The following SLCO4A1 variants were observed in gnomAD, a reference collection of about 807,000 sequenced individuals.
SLCO4A1 encodes the protein solute carrier organic anion transporter family member 4A1, also known as colon organic anion transporter.
In SLCO4A1, 51 loss-of-function variants were observed where a neutral mutation model predicts 64.6. The observed-to-expected ratio is 0.79, with a 90% CI of 0.63 to 1.00. SLCO4A1 has a LOEUF of 1.00. Ranked by LOEUF, SLCO4A1 falls within the 50% of genes least tolerant of loss-of-function variation. The pLI, the probability that SLCO4A1 is intolerant of heterozygous loss-of-function variation, is 0.00. For missense variants in SLCO4A1, 919 were observed against 980.5 expected, an observed-to-expected ratio of 0.94 and a Z score of 0.84; for synonymous variants, 471 against 444.9, an observed-to-expected ratio of 1.06 and a Z score of -0.74.
intron 2 of SLCO4A1, among the ~76,000 whole-genome samples, chr20:62,684,991 C>T (rs539401616): frequency 1.6e-3 from 239 of 152,282 alleles, no homozygotes; most frequent in African/African-American, 5.2e-3. Context: ...CAGGCAGCCA[C>T]GCCAGGGGCT....
At chr20:62,672,939 G>A (rs963079447), downstream of SLCO4A1, among the ~76,000 whole-genome samples, 1 of 145,604 alleles carries the variant, frequency 6.9e-6, no homozygotes, top group Non-Finnish European at 1.6e-5. Context: ...GAGGATGGAC[G>A]CCACCCTCGC....
chr20:62,655,511 A>G (rs934249432), intron 1 of SLCO4A1, among the ~76,000 whole-genome samples: 1 of 152,232 alleles, frequency 6.6e-6, no homozygotes, highest in Non-Finnish European at 1.5e-5. Flanking sequence ...CTGTTGCTCC[A>G]GGAATTGGTG....
rs1054141733 is a variant in SLCO4A1, at chr20:62,645,999, C to A, written c.-97+3446C>A. Among the ~76,000 whole-genome samples, 28 of 152,128 alleles carry A rather than the reference C, an allele frequency of 1.8e-4. No homozygotes were observed. The highest frequency in any genetic ancestry group is 6.5e-4 in the African/African-American group (27 of 41,430). On this transcript the variant is annotated intron_variant, in intron 1 of 11. Transcript: ENST00000217159. The surrounding 1 kb of genome is among the most constrained non-coding windows in gnomAD (Gnocchi z 4.2). ...CTGCCTTTCGGGAGGCGCTGTGGAC[C>A]TGAGATTTGGACCCATGGGCCTAGG...
Position 62,685,520 on chromosome 20 carries a change from A to C in SLCO4A1, n.291A>C. Reference sequence around the variant, plus strand: ...ATCTCCTTGAATTGGATTTTCACCAAGGCCGTGATGGATGTGGAGTCTCGG... The same window carrying C: ...ATCTCCTTGAATTGGATTTTCACCACGGCCGTGATGGATGTGGAGTCTCGG... On this transcript the variant is annotated non_coding_transcript_exon_variant, in exon 3 of 3. Transcript: ENST00000466818. This position sits in a 1 kb window ranked among gnomAD's most constrained non-coding sequence, Gnocchi z 4.6. 3 of 883,354 alleles carry C rather than the reference A, an allele frequency of 3.4e-6. No individual in the cohort carries two copies. Among genetic ancestry groups the C allele is most frequent in the Non-Finnish European group, 2.7e-6 (2 of 736,856 alleles). 54.7% of individuals were successfully genotyped at this position (883,354 alleles called of 1,614,324 possible).
chr20:62,661,030 G>GGCCCCCCCCCCCCCCC lies in SLCO4A1; in HGVS notation c.1010-34_1010-33insGCCCCCCCCCCCCCCC. 1 of 518,134 alleles carries GGCCCCCCCCCCCCCCC rather than the reference G, an allele frequency of 1.9e-6. No homozygotes were observed. 32.1% of individuals were successfully genotyped at this position (518,134 alleles called of 1,614,324 possible). A position where few individuals can be genotyped will look rare whatever the true frequency, so the allele number is the denominator to read the frequency against. On this transcript the variant is annotated intron_variant, in intron 4 of 11. Transcript: ENST00000217159. This position sits in a 1 kb window ranked among gnomAD's most constrained non-coding sequence, Gnocchi z 5.2. ...AGAAGTCCACCTCCGGGAGCCCCCAGCCCCCAGCCCCAGCTCACTCTGTGC... is the reference window on the plus strand; with the variant it reads ...AGAAGTCCACCTCCGGGAGCCCCCAGGCCCCCCCCCCCCCCCCCCCCAGCCCCAGCTCACTCTGTGC...
Position 62,668,173 on chromosome 20 carries a change from G to A in SLCO4A1, c.1800G>A (p.Thr600=), listed in dbSNP as rs34985812. 0.043 allele frequency: 68,957 copies of A among 1,613,672 alleles called. 1,782 individuals carry two copies. The highest frequency in any genetic ancestry group is 0.084 in the Middle Eastern group (510 of 6,062). The change falls in exon 9 of 12, where the codon ACG becomes ACA. Residue 600 remains threonine, a synonymous_variant. Coordinates refer to ENST00000217159, the MANE Select transcript of SLCO4A1 (RefSeq NM_016354.4). ...TCCTCAGCAGCATTCCTGCACTAAC[G>A]GCAACTCTACGGTAAGCTGGGGTCG... ...FTFLSSIPAL[T]ATLRCVRDPQ... is the part of the protein sequence containing the mutation.
At chr20:62,642,894 G>C in intron 1 of SLCO4A1, 1 of 397,102 alleles carries the variant, frequency 2.5e-6, no homozygotes. Context: ...AGGGACTGTC[G>C]GAGTGGCCGG....
In SLCO4A1 at chr20:62,661,278, A is replaced by AG; in HGVS notation, c.1121+104dup. On this transcript the variant is annotated intron_variant, in intron 5 of 11. Coordinates refer to ENST00000217159, the MANE Select transcript of SLCO4A1 (RefSeq NM_016354.4). This position sits in a 1 kb window ranked among gnomAD's most constrained non-coding sequence, Gnocchi z 5.2. ...CCCTCCGGGATCATGATGGGGACGC[A>AG]GCCCCTAACCTCTGTCGTGACCCTG... 2 of 799,332 alleles carry AG rather than the reference A, an allele frequency of 2.5e-6. No individual in the cohort carries two copies. Among genetic ancestry groups the AG allele is most frequent in the Non-Finnish European group, 4.3e-6 (2 of 463,834 alleles). The allele number at this position is 799,332 out of a possible 1,614,324, so 49.5% of individuals were successfully genotyped here.
At chr20:62,671,553 T>C (rs994078202) in intron 11 of SLCO4A1, among the ~76,000 whole-genome samples, 197 bp from the exon 12 acceptor site, 5 of 81,824 alleles carry the variant, frequency 6.1e-5, no homozygotes, top group Non-Finnish European at 1.5e-4. Context: ...TGTGTTTCAT[T>C]CCCTCTTTAA....
At chr20:62,673,018 C>T (rs775603389), downstream of SLCO4A1, among the ~76,000 whole-genome samples, 4 of 143,696 alleles carry the variant, frequency 2.8e-5, no homozygotes, top group Non-Finnish European at 6.3e-5. Context: ...TCAAGATCCC[C>T]CCCAAATTAG....
intron 11 of SLCO4A1, among the ~76,000 whole-genome samples, chr20:62,670,476 G>A (rs78928967): frequency 0.019 from 2,839 of 152,302 alleles, 88 homozygotes; most frequent in African/African-American, 0.064. Context: ...CACTCACGCC[G>A]CCGTTCAGCT....
In SLCO4A1 at chr20:62,661,194, A is replaced by T. The variant is rs1222583081; in HGVS notation, c.1121+19A>T. ...TGCCTCTGTAAGGACCGGAGTCGGG[A>T]GGGTTCCTAGTGTCCTCAGACCCTT... On this transcript the variant is annotated intron_variant, in intron 5 of 11. Coordinates refer to ENST00000217159, the MANE Select transcript of SLCO4A1 (RefSeq NM_016354.4). This position sits in a 1 kb window ranked among gnomAD's most constrained non-coding sequence, Gnocchi z 5.2. 1 of 1,564,436 alleles carries T rather than the reference A, an allele frequency of 6.4e-7. No homozygotes were observed. The highest frequency in any genetic ancestry group is 8.8e-7 in the Non-Finnish European group (1 of 1,135,800).
chr20:62,668,985 G>T lies in SLCO4A1; in HGVS notation c.1932G>T (p.Leu644=). ...FGWVIDKACL[L]WQDQCGQQGS... is the part of the protein sequence containing the mutation. The stretch of plus-strand genomic sequence containing the variant: ...GGGTGATCGACAAGGCCTGTCTGCT[G>T]TGGCAGGACCAGTGTGGCCAGCAGG... The change falls in exon 11 of 12, where the codon CTG becomes CTT. Residue 644 remains leucine, a synonymous_variant. Coordinates refer to ENST00000217159, the MANE Select transcript of SLCO4A1 (RefSeq NM_016354.4). 1 of 1,610,388 alleles carries T rather than the reference G, an allele frequency of 6.2e-7. No individual in the cohort carries two copies.
rs774335076 is a variant in SLCO4A1, at chr20:62,672,060, C to T, written c.*167C>T. On this transcript the variant is annotated 3_prime_UTR_variant, in exon 12 of 12. Transcript: ENST00000217159. ...ACCTCCTGTCCCCAGAGCTGTACGGCCCTGCAGTGGGTGGGAGGAACTTGC... is the reference window on the plus strand; with the variant it reads ...ACCTCCTGTCCCCAGAGCTGTACGGTCCTGCAGTGGGTGGGAGGAACTTGC... 6.6e-7 allele frequency: 1 copy of T among 1,511,248 alleles called. No individual in the cohort carries two copies. The highest frequency in any genetic ancestry group is 2.1e-5 in the Admixed American group (1 of 47,458). The allele number at this position is 1,511,248 out of a possible 1,614,324, so 93.6% of individuals were successfully genotyped here.
downstream of SLCO4A1, among the ~76,000 whole-genome samples, chr20:62,675,633 C>T (rs1272314281): frequency 2.0e-5 from 3 of 152,190 alleles, no homozygotes; most frequent in Non-Finnish European, 4.4e-5. Flanking sequence ...CTGTGTGACT[C>T]AGTGCAGGGA....
At chr20:62,689,323 C>T (rs1265490041), downstream of SLCO4A1, among the ~76,000 whole-genome samples, 3 of 143,384 alleles carry the variant, frequency 2.1e-5, no homozygotes, top group Non-Finnish European at 3.1e-5. Flanking sequence ...GGCTGTGCCC[C>T]GTGCCTCGCA....
intron 7 of SLCO4A1, 114 bp from the exon 8 acceptor site, chr20:62,667,631 G>A: frequency 7.7e-7 from 1 of 1,304,826 alleles, no homozygotes; most frequent in South Asian, 1.4e-5. Context: ...TGGCAAGTTT[G>A]TAGACCCGAA....
At position 62,672,140 on chromosome 20, in the gene SLCO4A1, G is replaced by T. The variant is rs1601685269; in HGVS notation, c.*247G>T. The T allele has an allele frequency of 2.1e-6, 3 of 1,396,330 alleles. No individual in the cohort carries two copies. Among genetic ancestry groups the T allele is most frequent in the East Asian group, 2.8e-5 (1 of 36,068 alleles). The allele number at this position is 1,396,330 out of a possible 1,614,324, so 86.5% of individuals were successfully genotyped here. A position where few individuals can be genotyped will look rare whatever the true frequency, so the allele number is the denominator to read the frequency against. On this transcript the variant is annotated 3_prime_UTR_variant, in exon 12 of 12. Coordinates refer to ENST00000217159, the MANE Select transcript of SLCO4A1 (RefSeq NM_016354.4). Reference sequence around the variant, plus strand: ...GCATCAGAACGTGTTTATAGAATGTGTTTTATACCCGATCGTGTGTGGTGT... The same window carrying T: ...GCATCAGAACGTGTTTATAGAATGTTTTTTATACCCGATCGTGTGTGGTGT...
At chr20:62,673,172 G>T (rs570062005), downstream of SLCO4A1, among the ~76,000 whole-genome samples, 2 of 142,900 alleles carry the variant, frequency 1.4e-5, no homozygotes, top group East Asian at 4.1e-4. Context: ...CATGGGGGGG[G>T]CACAGAGGGC....
Sources: gnomAD v4.1 joint callset for allele counts (sites outside exome capture counted in the v4.1 genomes callset) on GRCh38, gnomAD v4.1.1 for gene constraint, Gnocchi (gnomAD v3.1) non-coding constraint, MANE v1.5 for transcripts, NCBI Gene and HGNC (gene_info 2026-07-23, HGNC 2026-07-21) for gene names.